Variants in RTTN observed in about 807,000 individuals in gnomAD.
The protein encoded by RTTN is rotatin.
RTTN carries 182 observed loss-of-function variants against 269.2 expected under a neutral mutation model. That is an observed-to-expected ratio of 0.68 (90% CI 0.60 to 0.76). RTTN has a LOEUF of 0.76. RTTN is among the 30% of genes least tolerant of loss of function. RTTN has a pLI of 0.00. For synonymous variants in RTTN, 1,006 were observed against 963.5 expected (o/e 1.04, Z -0.82); for missense variants, 2,545 against 2,608.6 (o/e 0.98, Z 0.53).
chr18:70,008,038 G>C (rs1299125997), intron 46 of RTTN: 1 of 156,072 alleles, frequency 6.4e-6, no homozygotes, highest in Non-Finnish European at 1.4e-5. Flanking sequence ...GTGCCCTCTG[G>C]GATGAAGCTT....
chr18:70,100,607 A>G (rs192178313), intron 28 of RTTN, among the ~76,000 whole-genome samples: 1 of 152,186 alleles, frequency 6.6e-6, no homozygotes, highest in Admixed American at 6.5e-5. Flanking sequence ...CAGAACTTCC[A>G]ACACTGTTGA....
At chr18:70,155,571 C>T (rs1042021985) in intron 14 of RTTN, among the ~76,000 whole-genome samples, 2 of 152,218 alleles carry the variant, frequency 1.3e-5, no homozygotes, top group African/African-American at 4.8e-5. Flanking sequence ...AGGATCCTAA[C>T]TATGGGAGAC....
chr18:70,050,095 C>T (rs2057614523), intron 39 of RTTN, among the ~76,000 whole-genome samples: 1 of 152,034 alleles, frequency 6.6e-6, no homozygotes, highest in African/African-American at 2.4e-5. Context: ...AACTAAAGAG[C>T]GTCTGCATAG....
At chr18:70,095,760 C>T (rs372266315) in intron 28 of RTTN, among the ~76,000 whole-genome samples, 5 of 151,754 alleles carry the variant, frequency 3.3e-5, no homozygotes, top group South Asian at 2.1e-4. Context: ...GTAAATCTGA[C>T]GATTACATGT....
chr18:70,097,397 A>T (rs2059030661), intron 28 of RTTN, among the ~76,000 whole-genome samples: 1 of 152,232 alleles, frequency 6.6e-6, no homozygotes, highest in Non-Finnish European at 1.5e-5. Flanking sequence ...TTATTCTTTA[A>T]AAGATGAATT....
intron 40 of RTTN, chr18:70,031,465 C>T (rs2057010342): frequency 2.5e-6 from 1 of 397,390 alleles, no homozygotes; most frequent in Non-Finnish European, 4.4e-6. Context: ...TGGTAACATG[C>T]ACCTGTCATA....
intron 6 of RTTN, 118 bp downstream of exon 6, chr18:70,197,506 T>G: frequency 4.3e-6 from 3 of 692,258 alleles, no homozygotes; most frequent in Non-Finnish European, 5.2e-6. Flanking sequence ...GCCAAATACT[T>G]CACTTTTTAA....
chr18:70,035,662 G>A (rs2057150630), intron 40 of RTTN, among the ~76,000 whole-genome samples: 1 of 152,164 alleles, frequency 6.6e-6, no homozygotes, highest in South Asian at 2.1e-4. Context: ...GAGATTTCAT[G>A]ATGAAAATGT....
In RTTN at chr18:70,190,555, A is replaced by T. The variant is rs1044931950; in HGVS notation, c.1172T>A (p.Val391Asp). Reference sequence around the variant, plus strand: ...CAACTAACCTGTTCTTAAGAGAGGAACAGCTGATTCCAGAATGGAGACACA... The same window carrying T: ...CAACTAACCTGTTCTTAAGAGAGGATCAGCTGATTCCAGAATGGAGACACA... Reference protein sequence around the residue: ...QFCVSILESAVPLLRTGSRQV... With the variant: ...QFCVSILESADPLLRTGSRQV... The change falls in exon 9 of 49, where the codon GTT becomes GAT. Residue 391 changes from valine to aspartate, a missense_variant. Physicochemically the swap from Val to Asp is radical, Grantham distance 152. Transcript: ENST00000640769. 20 of 1,606,694 alleles carry T rather than the reference A, an allele frequency of 1.2e-5. No individual in the cohort carries two copies. The highest frequency in any genetic ancestry group is 1.4e-5 in the Non-Finnish European group (17 of 1,173,508).
chr18:70,047,254 AT>A (rs376616389), intron 40 of RTTN, among the ~76,000 whole-genome samples: 81 of 152,350 alleles, frequency 5.3e-4, no homozygotes, highest in African/African-American at 1.9e-3. Flanking sequence ...GACAAAAATC[AT>A]AAAACCACAT....
intron 4 of RTTN, among the ~76,000 whole-genome samples, chr18:70,200,408 C>T (rs765074782): frequency 3.4e-4 from 52 of 152,132 alleles, no homozygotes; most frequent in Non-Finnish European, 6.8e-4. Context: ...CAATCTCAAT[C>T]CCCCTTAATG....
At chr18:70,197,499 A>T in intron 6 of RTTN, 125 bp downstream of exon 6, 1 of 684,154 alleles carries the variant, frequency 1.5e-6, no homozygotes. Flanking sequence ...TTAAATAGCC[A>T]AATACTTCAC....
chr18:70,060,669 T>C (rs761341061), intron 35 of RTTN, among the ~76,000 whole-genome samples: 4 of 152,190 alleles, frequency 2.6e-5, no homozygotes, highest in Admixed American at 6.5e-5. Flanking sequence ...TTGTTAACTA[T>C]AGTTACCCTG....
In RTTN at chr18:70,082,643, C is replaced by T. The variant is rs145493879; in HGVS notation, c.4374+3970G>A. 1.4e-3 allele frequency among the ~76,000 whole-genome samples: 206 copies of T among 152,246 alleles called. 1 individual carries two copies. Among genetic ancestry groups the T allele is most frequent in the African/African-American group, 4.6e-3 (192 of 41,538 alleles). On this transcript the variant is annotated intron_variant, in intron 32 of 48. Coordinates refer to ENST00000640769, the MANE Select transcript of RTTN (RefSeq NM_173630.4). Reference sequence around the variant, plus strand: ...TGGGAGCCACAATACAGTTTCGTGTCAACTGAATATTGGCTCTGTTTTCTC... The same window carrying T: ...TGGGAGCCACAATACAGTTTCGTGTTAACTGAATATTGGCTCTGTTTTCTC...
At chr18:70,099,114 T>C (rs2059085537) in intron 28 of RTTN, among the ~76,000 whole-genome samples, 1 of 152,212 alleles carries the variant, frequency 6.6e-6, no homozygotes, top group Non-Finnish European at 1.5e-5. Context: ...TACCCAGTAA[T>C]GGAATGGCTG....
chr18:70,109,733 A>G lies in RTTN; in HGVS notation c.3684-16T>C. On this transcript the variant is annotated splice_polypyrimidine_tract_variant and intron_variant, in intron 27 of 48. Coordinates refer to ENST00000640769, the MANE Select transcript of RTTN (RefSeq NM_173630.4). ...CGAGCATTTCCTATGTATGCAAAAG[A>G]GGGAAAATCAACCACCAAGAAAGTA... 6.2e-7 allele frequency: 1 copy of G among 1,607,490 alleles called. No individual in the cohort carries two copies. The highest frequency in any genetic ancestry group is 2.2e-5 in the East Asian group (1 of 44,840).
chr18:70,179,362 T>C (rs896611210), intron 10 of RTTN, among the ~76,000 whole-genome samples: 1 of 152,216 alleles, frequency 6.6e-6, no homozygotes, highest in Non-Finnish European at 1.5e-5. Context: ...AAAATAATCT[T>C]GCTAATTCTA....
intron 25 of RTTN, among the ~76,000 whole-genome samples, chr18:70,123,629 A>G (rs2059792994): frequency 6.6e-6 from 1 of 152,006 alleles, no homozygotes; most frequent in South Asian, 2.1e-4. Flanking sequence ...TTCCAATCCC[A>G]TAGACTTTTA....
At chr18:70,065,165 T>A (rs1430655203) in intron 35 of RTTN, among the ~76,000 whole-genome samples, 5 of 151,850 alleles carry the variant, frequency 3.3e-5, no homozygotes, top group Non-Finnish European at 7.4e-5. Flanking sequence ...CTGCATATAC[T>A]TATATGTATG....
Sources: allele counts gnomAD v4.1 joint callset (sites outside exome capture counted in the v4.1 genomes callset), GRCh38; gene constraint gnomAD v4.1.1; transcripts MANE v1.5; gene names NCBI Gene and HGNC (gene_info 2026-07-23, HGNC 2026-07-21).